The following PRUNE2 variants were observed in gnomAD, a reference collection of about 807,000 sequenced individuals.
PRUNE2 encodes the protein protein prune homolog 2.
Under a neutral mutation model 252.0 loss-of-function variants are expected in PRUNE2, and 164 were observed. The ratio of observed to expected loss-of-function variants is 0.65; its 90% CI spans 0.57 to 0.74. The LOEUF is 0.74. Ranked by LOEUF, PRUNE2 falls within the 30% of genes least tolerant of loss-of-function variation. PRUNE2 has a pLI of 0.00. For missense variants in PRUNE2, 3,495 were observed against 3,711.0 expected (o/e 0.94, Z 1.51); for synonymous variants, 1,292 against 1,350.2 (o/e 0.96, Z 0.94).
chr9:76,767,482 A>G (rs1309460389), intron 6 of PRUNE2, among the ~76,000 whole-genome samples: 1 of 151,906 alleles, frequency 6.6e-6, no homozygotes, highest in Non-Finnish European at 1.5e-5. Context: ...AAAAAAGCAC[A>G]GATTCTTTAT....
At chr9:76,904,642 G>C (rs536844371) in intron 1 of PRUNE2, among the ~76,000 whole-genome samples, 2 of 152,290 alleles carry the variant, frequency 1.3e-5, no homozygotes, top group Admixed American at 1.3e-4. Flanking sequence ...ATGTGCTCTA[G>C]TAAAACTATA....
intron 12 of PRUNE2, among the ~76,000 whole-genome samples, chr9:76,640,548 G>T (rs970882078): frequency 1.2e-4 from 17 of 144,346 alleles, no homozygotes; most frequent in African/African-American, 3.7e-4. Flanking sequence ...AGAGAGCAAC[G>T]TAGTAGCTTC....
intron 9 of PRUNE2, among the ~76,000 whole-genome samples, chr9:76,682,955 C>A (rs1564025337): frequency 6.6e-6 from 1 of 152,140 alleles, no homozygotes; most frequent in Non-Finnish European, 1.5e-5. Flanking sequence ...TTTAATTGAC[C>A]TCTCTTCATC....
chr9:76,809,833 C>A (rs757012638), intron 6 of PRUNE2, among the ~76,000 whole-genome samples: 17 of 152,314 alleles, frequency 1.1e-4, no homozygotes, highest in Non-Finnish European at 2.2e-4. Context: ...CAAATGACCA[C>A]GTTAATGGGT....
intron 1 of PRUNE2, among the ~76,000 whole-genome samples, chr9:76,870,521 T>C (rs1397366706): frequency 6.6e-6 from 1 of 151,778 alleles, no homozygotes; most frequent in East Asian, 1.9e-4. Context: ...CCGTCTCTAC[T>C]AAAAATACAA....
Position 76,629,260 on chromosome 9 carries a change from G to T in PRUNE2, c.9081C>A (p.Val3027=). 1.3e-6 allele frequency: 2 copies of T among 1,581,096 alleles called. No homozygotes were observed. The highest frequency in any genetic ancestry group is 1.7e-6 in the Non-Finnish European group (2 of 1,163,524). ...SSKFSSKIKY[V]NSLSELSGLI... ...GCCCACTGAGTTCTGATAAGCTATT[G>T]ACATATTTAATTTTACTGCTGAATT... Residue 3027 remains valine, a synonymous_variant, in exon 16 of 19, where the codon GTC becomes GTA. Transcript: ENST00000376718.
intron 4 of PRUNE2, among the ~76,000 whole-genome samples, chr9:76,840,987 A>AG (rs1325907886): frequency 6.6e-6 from 1 of 152,140 alleles, no homozygotes; most frequent in African/African-American, 2.4e-5. Context: ...CTCTCAAAAA[A>AG]AAAAAAAAGA....
intron 6 of PRUNE2, among the ~76,000 whole-genome samples, chr9:76,727,577 A>ACTTC (rs2135360754): frequency 6.6e-6 from 1 of 152,068 alleles, no homozygotes; most frequent in South Asian, 2.1e-4. Flanking sequence ...TAAAACATCT[A>ACTTC]CTTCCTATTC....
intron 17 of PRUNE2, among the ~76,000 whole-genome samples, chr9:76,621,782 A>G (rs899783011): frequency 1.3e-5 from 2 of 152,058 alleles, no homozygotes; most frequent in Admixed American, 6.6e-5. Flanking sequence ...CCAGGGCTCA[A>G]TGGATCCTCC....
chr9:76,761,925 G>A (rs1001333878), intron 6 of PRUNE2, among the ~76,000 whole-genome samples: 1 of 152,120 alleles, frequency 6.6e-6, no homozygotes, highest in Non-Finnish European at 1.5e-5. Flanking sequence ...TCCAAATAAT[G>A]CCACTCTGGA....
chr9:76,644,769 C>T lies in PRUNE2; in HGVS notation c.8698G>A (p.Glu2900Lys), dbSNP rs761866935. ...QEQRIDMKVI[E>K]PYRRVISHGG... ...TGAGAAATGACTCTCCTGTAGGGCT[C>T]GATGACCTTCATGTCAATGCGCTGC... Residue 2900 changes from glutamate to lysine, a missense_variant, in exon 12 of 19, where the codon GAG (glutamate) becomes AAG (lysine). Glu to Lys is a moderately conservative substitution (Grantham distance 56). Coordinates refer to ENST00000376718, the MANE Select transcript of PRUNE2 (RefSeq NM_015225.3). The T allele has an allele frequency of 6.2e-6, 10 of 1,613,756 alleles. No individual in the cohort carries two copies. Among genetic ancestry groups the T allele is most frequent in the Middle Eastern group, 1.6e-4 (1 of 6,084 alleles).
At chr9:76,888,303 G>A (rs1047413670) in intron 1 of PRUNE2, among the ~76,000 whole-genome samples, 8 of 152,156 alleles carry the variant, frequency 5.3e-5, no homozygotes, top group Admixed American at 5.2e-4. Context: ...ATATGGCTGG[G>A]CACGGTGGCT....
intron 6 of PRUNE2, among the ~76,000 whole-genome samples, chr9:76,725,027 T>C (rs2135318462): frequency 6.6e-6 from 1 of 152,248 alleles, no homozygotes; most frequent in Admixed American, 6.5e-5. Flanking sequence ...TTTCTATAAT[T>C]ATGTATAGAT....
At chr9:76,826,077 G>A (rs2058328520) in intron 5 of PRUNE2, among the ~76,000 whole-genome samples, 1 of 152,184 alleles carries the variant, frequency 6.6e-6, no homozygotes, top group East Asian at 1.9e-4. Context: ...GGCCTCGGAG[G>A]AGAGGCCACA....
intron 6 of PRUNE2, among the ~76,000 whole-genome samples, chr9:76,727,793 T>C (rs755925684): frequency 5.5e-5 from 8 of 145,180 alleles, no homozygotes; most frequent in African/African-American, 7.6e-5. Flanking sequence ...CGGTTCACTG[T>C]AACCTCTGCC....
rs191151149 is a variant in PRUNE2, at chr9:76,853,948, T to C, written c.141+156A>G. ...CATATAGTAGGTGCCCAATAAATAT[T>C]TGTTGATTCATGGATGATAATACTT... On this transcript the variant is annotated intron_variant, in intron 2 of 18. Transcript: ENST00000376718. 2.9e-4 allele frequency among the ~76,000 whole-genome samples: 44 copies of C among 152,322 alleles called. 1 individual carries two copies. Among genetic ancestry groups the C allele is most frequent in the East Asian group, 1.9e-4 (1 of 5,192 alleles).
intron 1 of PRUNE2, among the ~76,000 whole-genome samples, chr9:76,879,716 G>T (rs2061655038): frequency 6.6e-6 from 1 of 151,332 alleles, no homozygotes; most frequent in African/African-American, 2.4e-5. Context: ...GTGCGGGAGG[G>T]TTTGTTGCAC....
At chr9:76,823,235 T>A (rs1472649312) in intron 6 of PRUNE2, 1 of 154,722 alleles carries the variant, frequency 6.5e-6, no homozygotes, top group African/African-American at 2.4e-5. Flanking sequence ...AAAAGACAAC[T>A]TGCTTTTTTT....
chr9:76,627,039 GAAGA>G (rs1414463096), intron 16 of PRUNE2, among the ~76,000 whole-genome samples: 3 of 152,022 alleles, frequency 2.0e-5, no homozygotes, highest in African/African-American at 7.2e-5. Flanking sequence ...AATTCCACTA[GAAGA>G]GAGAATGTCC....
Sources: gnomAD v4.1 joint callset for allele counts (sites outside exome capture counted in the v4.1 genomes callset) on GRCh38, gnomAD v4.1.1 for gene constraint, MANE v1.5 for transcripts, NCBI Gene and HGNC (gene_info 2026-07-23, HGNC 2026-07-21) for gene names.